The following THAP12 variants were observed in gnomAD, a reference collection of about 807,000 sequenced individuals.
THAP12 encodes 52 kDa repressor of the inhibitor of the protein kinase.
A neutral mutation model predicts 63.0 loss-of-function variants in THAP12; 20 were observed. The observed-to-expected ratio is 0.32, with a 90% confidence interval of 0.22 to 0.46. The LOEUF (loss-of-function observed/expected upper bound fraction) is 0.46, where lower values mean the gene tolerates loss of function less well. Ranked by LOEUF, THAP12 falls within the 20% of genes least tolerant of loss-of-function variation. THAP12 has a pLI of 1.00. For missense variants in THAP12, 568 were observed against 908.2 expected (o/e 0.63, Z 4.81); for synonymous variants, 264 against 328.4 (o/e 0.80, Z 2.12).
intron 1 of THAP12, among the ~76,000 whole-genome samples, chr11:76,372,329 T>G (rs1296558050): frequency 7.2e-5 from 11 of 151,964 alleles, no homozygotes; most frequent in Admixed American, 7.2e-4. Flanking sequence ...GTTTTTGATG[T>G]TTTTCCCTCA....
intron 1 of THAP12, among the ~76,000 whole-genome samples, chr11:76,375,747 T>TTGG (rs1555025964): frequency 7.0e-5 from 6 of 85,442 alleles, no homozygotes; most frequent in Non-Finnish European, 1.5e-4. Flanking sequence ...GAAGAAAAGG[T>TTGG]GGGGGGGGGG....
At chr11:76,355,017 A>G (rs923631666) in intron 4 of THAP12, among the ~76,000 whole-genome samples, 6 of 152,252 alleles carry the variant, frequency 3.9e-5, no homozygotes, top group African/African-American at 1.2e-4. Flanking sequence ...AAGCACTTAG[A>G]ACAATGATTT....
intron 1 of THAP12, among the ~76,000 whole-genome samples, chr11:76,372,673 G>A (rs1022227449): frequency 3.3e-5 from 5 of 151,878 alleles, no homozygotes; most frequent in African/African-American, 1.2e-4. Flanking sequence ...ATCACTTGAG[G>A]CTAGGAGTTC....
At chr11:76,376,615 G>GGT (rs1946712156) in intron 1 of THAP12, among the ~76,000 whole-genome samples, 1 of 127,772 alleles carries the variant, frequency 7.8e-6, no homozygotes, top group African/African-American at 3.0e-5. Flanking sequence ...TTGTGTCTAT[G>GGT]TTTTTTTTGT....
At chr11:76,354,843 T>C (rs1946549320) in intron 4 of THAP12, among the ~76,000 whole-genome samples, 1 of 152,200 alleles carries the variant, frequency 6.6e-6, no homozygotes, top group African/African-American at 2.4e-5. Flanking sequence ...TCACAAACTT[T>C]AACAACACTA....
At chr11:76,365,351 C>T (rs183345855) in intron 2 of THAP12, among the ~76,000 whole-genome samples, 16 of 150,344 alleles carry the variant, frequency 1.1e-4, no homozygotes, top group Non-Finnish European at 1.5e-4. Context: ...CACCAGGAAC[C>T]GAAGAGTTTT....
At chr11:76,364,724 A>G (rs1026506422) in intron 2 of THAP12, among the ~76,000 whole-genome samples, 1 of 152,244 alleles carries the variant, frequency 6.6e-6, no homozygotes, top group Admixed American at 6.5e-5. Flanking sequence ...GTAGGTCCTG[A>G]TATGAAATTA....
At chr11:76,362,033 T>C (rs966835289) in intron 2 of THAP12, among the ~76,000 whole-genome samples, 4 of 152,162 alleles carry the variant, frequency 2.6e-5, no homozygotes, top group African/African-American at 9.7e-5. Context: ...GTTAATTTCA[T>C]CCAACTTGGC....
chr11:76,373,331 G>A (rs112082083), intron 1 of THAP12, among the ~76,000 whole-genome samples: 24 of 145,916 alleles, frequency 1.6e-4, no homozygotes, highest in African/African-American at 5.9e-4. Flanking sequence ...GGGTGACAGT[G>A]AGACACTGTC....
chr11:76,364,996 C>T (rs1217940250), intron 2 of THAP12, among the ~76,000 whole-genome samples: 1 of 152,022 alleles, frequency 6.6e-6, no homozygotes, highest in Non-Finnish European at 1.5e-5. Flanking sequence ...AAGTGGTTAC[C>T]TCAGCCGGGT....
chr11:76,370,838 A>AT (rs386374205), intron 1 of THAP12, among the ~76,000 whole-genome samples: 27 of 133,966 alleles, frequency 2.0e-4, no homozygotes, highest in African/African-American at 6.7e-4. Flanking sequence ...AAGAAAAAAA[A>AT]AAAAAATATA....
chr11:76,380,754 G>GTCA lies in THAP12; in HGVS notation c.82_83insTGA (p.Pro28delinsLeuThr). The GTCA allele has an allele frequency of 6.9e-7, 1 of 1,450,380 alleles. No individual in the cohort carries two copies. Among genetic ancestry groups the GTCA allele is most frequent in the Non-Finnish European group, 9.1e-7 (1 of 1,093,992 alleles). The allele number at this position is 1,450,380 out of a possible 1,614,324, so 89.8% of individuals were successfully genotyped here. ...CTCTGCGCCCGCCGCTTACCTGGCAGGGTCCCGCGGGAACCTGAAGAAGGC... is the reference window on the plus strand; with the variant it reads ...CTCTGCGCCCGCCGCTTACCTGGCAGTCAGGTCCCGCGGGAACCTGAAGAAGGC... On this transcript the variant is annotated protein_altering_variant, in exon 1 of 5. Coordinates refer to ENST00000260045, the MANE Select transcript of THAP12 (RefSeq NM_004705.4).
intron 1 of THAP12, among the ~76,000 whole-genome samples, chr11:76,380,431 G>A (rs1565238052): frequency 6.6e-6 from 1 of 152,214 alleles, no homozygotes; most frequent in Non-Finnish European, 1.5e-5. Flanking sequence ...ACTCCCCCGA[G>A]GTCACACAGC....
chr11:76,361,274 T>C (rs1946596209), intron 2 of THAP12: 1 of 452,060 alleles, frequency 2.2e-6, no homozygotes, highest in Non-Finnish European at 3.9e-6. Flanking sequence ...ATTAAGAAAC[T>C]GAATTGAAGG....
At chr11:76,365,229 A>G (rs1008474509) in intron 2 of THAP12, among the ~76,000 whole-genome samples, 3 of 151,592 alleles carry the variant, frequency 2.0e-5, no homozygotes, top group Non-Finnish European at 4.4e-5. Flanking sequence ...AGGTGGCAGA[A>G]GTTGCAGTGA....
intron 1 of THAP12, among the ~76,000 whole-genome samples, chr11:76,380,057 C>T (rs1427390239): frequency 2.0e-5 from 3 of 152,156 alleles, no homozygotes; most frequent in African/African-American, 7.2e-5. Context: ...TATGAAACAT[C>T]TCAGCCTTTC....
At chr11:76,377,931 T>C (rs1444933092) in intron 1 of THAP12, among the ~76,000 whole-genome samples, 1 of 152,258 alleles carries the variant, frequency 6.6e-6, no homozygotes, top group Non-Finnish European at 1.5e-5. Flanking sequence ...TGGGTTGTCT[T>C]TTTGTTGCTG....
At chr11:76,356,305 ACAG>A (rs1946560629) in intron 3 of THAP12, 1 of 152,292 alleles carries the variant, frequency 6.6e-6, no homozygotes, top group South Asian at 2.1e-4. Context: ...ACAGCTGAAG[ACAG>A]CAGGATGCCT....
At chr11:76,364,435 G>GA (rs1456994835) in intron 2 of THAP12, 3 of 434,438 alleles carry the variant, frequency 6.9e-6, no homozygotes, top group Non-Finnish European at 1.4e-5. Context: ...AAATGTATCT[G>GA]AAAAAAATAT....
Sources: allele counts gnomAD v4.1 joint callset (sites outside exome capture counted in the v4.1 genomes callset), GRCh38; gene constraint gnomAD v4.1.1; transcripts MANE v1.5; gene names NCBI Gene and HGNC (gene_info 2026-07-23, HGNC 2026-07-21).